CNTN5: variants seen among roughly 807,000 people sequenced by gnomAD.
CNTN5 encodes contactin-5.
CNTN5 carries 77 observed loss-of-function variants against 129.1 expected under a neutral mutation model. The ratio of observed to expected loss-of-function variants is 0.60; its 90% confidence interval spans 0.50 to 0.72. The LOEUF (loss-of-function observed/expected upper bound fraction) is 0.72. CNTN5 is among the 30% of genes least tolerant of loss of function. The pLI, the probability that CNTN5 is intolerant of heterozygous loss-of-function variation, is 0.00. For missense variants in CNTN5, 1,478 were observed against 1,328.8 expected (o/e 1.11, Z -1.75); for synonymous variants, 509 against 465.6 (o/e 1.09, Z -1.20).
chr11:99,083,352 T>C (rs1479268115), intron 1 of CNTN5, among the ~76,000 whole-genome samples: 1 of 152,222 alleles, frequency 6.6e-6, no homozygotes, highest in Admixed American at 6.5e-5. Context: ...ATGAAGTTAC[T>C]GATTCCTAGG....
intron 15 of CNTN5, among the ~76,000 whole-genome samples, chr11:100,201,664 G>A (rs776150706): frequency 6.6e-6 from 1 of 151,828 alleles, no homozygotes; most frequent in Non-Finnish European, 1.5e-5. Context: ...TATTACTCGT[G>A]AGCCTATTCC....
chr11:99,441,887 A>G (rs1436066670), intron 2 of CNTN5, among the ~76,000 whole-genome samples: 1 of 152,134 alleles, frequency 6.6e-6, no homozygotes, highest in Non-Finnish European at 1.5e-5. Flanking sequence ...CGTTTCCATC[A>G]GTGTCCAGCC....
chr11:99,422,640 G>GTTTGTTACGTA (rs1216168488), intron 2 of CNTN5, among the ~76,000 whole-genome samples: 2 of 150,550 alleles, frequency 1.3e-5, no homozygotes, highest in African/African-American at 4.9e-5. Flanking sequence ...AACAAAGAGA[G>GTTTGTTACGTA]TGTAGAAGCA....
intron 1 of CNTN5, among the ~76,000 whole-genome samples, chr11:99,109,545 C>T (rs1288675125): frequency 6.6e-6 from 1 of 152,148 alleles, no homozygotes; most frequent in Non-Finnish European, 1.5e-5. Flanking sequence ...AGCCATTATA[C>T]TCTTGTATCC....
intron 6 of CNTN5, among the ~76,000 whole-genome samples, chr11:99,876,985 G>A (rs181769022): frequency 4.6e-5 from 7 of 152,196 alleles, no homozygotes; most frequent in African/African-American, 1.7e-4. Context: ...CTGTAGAAGT[G>A]AGTTATCTAT....
At chr11:99,291,384 A>G (rs909779077) in intron 1 of CNTN5, among the ~76,000 whole-genome samples, 1 of 151,736 alleles carries the variant, frequency 6.6e-6, no homozygotes, top group African/African-American at 2.4e-5. Context: ...AGATAAACAT[A>G]ATATTAAATG....
chr11:99,579,335 A>C (rs1221125682), intron 3 of CNTN5, among the ~76,000 whole-genome samples: 4 of 151,144 alleles, frequency 2.6e-5, no homozygotes, highest in Non-Finnish European at 4.4e-5. Flanking sequence ...TTCCATATGA[A>C]CTTTAAAGTA....
intron 4 of CNTN5, chr11:99,844,640 A>G (rs1018869864): frequency 1.8e-6 from 1 of 546,820 alleles, no homozygotes; most frequent in Non-Finnish European, 3.2e-6. Flanking sequence ...TTACACGTTT[A>G]ACAGCATTTT....
At chr11:99,574,314 G>A (rs753587511) in intron 3 of CNTN5, among the ~76,000 whole-genome samples, 1 of 152,148 alleles carries the variant, frequency 6.6e-6, no homozygotes, top group Non-Finnish European at 1.5e-5. Context: ...TCATTGATGG[G>A]CATTTGGGTT....
At chr11:99,241,318 G>GTTTTT (rs10648459) in intron 1 of CNTN5, among the ~76,000 whole-genome samples, 55 of 87,990 alleles carry the variant, frequency 6.3e-4, no homozygotes, top group East Asian at 1.0e-3. Context: ...TTGATTGTTG[G>GTTTTT]TTTTTTTTTT....
chr11:99,662,658 G>T (rs1952638260), intron 3 of CNTN5, among the ~76,000 whole-genome samples: 1 of 152,150 alleles, frequency 6.6e-6, no homozygotes, highest in South Asian at 2.1e-4. Context: ...ACTTCAGTGT[G>T]TGTATTTAGC....
chr11:99,908,617 T>C (rs1949573609), intron 6 of CNTN5, among the ~76,000 whole-genome samples: 1 of 152,058 alleles, frequency 6.6e-6, no homozygotes, highest in South Asian at 2.1e-4. Context: ...CCAGAGTTCA[T>C]AGACTATATT....
intron 3 of CNTN5, among the ~76,000 whole-genome samples, chr11:99,726,797 C>G (rs1159401086): frequency 1.3e-5 from 2 of 152,130 alleles, no homozygotes; most frequent in Admixed American, 6.5e-5. Flanking sequence ...CATATAACCA[C>G]TGCACAATAC....
At chr11:99,180,432 G>A (rs374512267) in intron 1 of CNTN5, among the ~76,000 whole-genome samples, 49 of 152,276 alleles carry the variant, frequency 3.2e-4, no homozygotes, top group African/African-American at 1.1e-3. Flanking sequence ...GTAATGAGTT[G>A]TTTCGCATAA....
At chr11:99,585,643 A>G (rs1203766756) in intron 3 of CNTN5, among the ~76,000 whole-genome samples, 2 of 152,172 alleles carry the variant, frequency 1.3e-5, no homozygotes, top group Non-Finnish European at 2.9e-5. Context: ...AGTTCTTTCA[A>G]GACTTCCATT....
chr11:100,334,361 A>G (rs1450152889), intron 21 of CNTN5, among the ~76,000 whole-genome samples: 1 of 152,228 alleles, frequency 6.6e-6, no homozygotes, highest in African/African-American at 2.4e-5. Flanking sequence ...CCACTATGGA[A>G]AACAGTGTGG....
rs75387298 is a variant in CNTN5 at position 99,722,880 on chromosome 11, G to A, written c.56-96664G>A. ...TACATAATGTATACCTCAACTCTCC[G>A]GGAATCCCAGTCGTGTCATCAATCA... On this transcript the variant is annotated intron_variant, in intron 3 of 24. Coordinates refer to ENST00000524871, the MANE Select transcript of CNTN5 (RefSeq NM_014361.4). Among the ~76,000 whole-genome samples, 1,464 of 151,860 alleles carry A rather than the reference G, an allele frequency of 9.6e-3. 57 individuals are homozygous for A. In the East Asian group the frequency reaches 0.12, roughly 13 times the overall value.
intron 1 of CNTN5, among the ~76,000 whole-genome samples, chr11:99,024,350 A>G (rs534153979): frequency 2.0e-5 from 3 of 152,244 alleles, no homozygotes; most frequent in Non-Finnish European, 4.4e-5. Flanking sequence ...ATTGAATGAC[A>G]CAAAATATAG....
At chr11:100,347,583 GA>G (rs1446392834) in intron 23 of CNTN5, among the ~76,000 whole-genome samples, 1 of 152,046 alleles carries the variant, frequency 6.6e-6, no homozygotes, top group Non-Finnish European at 1.5e-5. Context: ...GATAGAGTTA[GA>G]AAGGAACAAC....
Sources: gnomAD v4.1 joint callset for allele counts (sites outside exome capture counted in the v4.1 genomes callset) on GRCh38, gnomAD v4.1.1 for gene constraint, MANE v1.5 for transcripts, NCBI Gene and HGNC (gene_info 2026-07-23, HGNC 2026-07-21) for gene names.